Variants in ABTB3 observed in about 807,000 individuals in gnomAD.
ABTB3 encodes ankyrin repeat- and BTB/POZ domain-containing protein 3.
At chr12:107,477,391 T>C in the ABTB3 span, among the ~76,000 whole-genome samples, 1 of 152,156 alleles carries the variant, frequency 6.6e-6, no homozygotes, top group Non-Finnish European at 1.5e-5. Flanking sequence ...GCCACGTGGG[T>C]TCGCAGGCAT....
chr12:107,496,959 C>G, the ABTB3 span, among the ~76,000 whole-genome samples: 1 of 152,186 alleles, frequency 6.6e-6, no homozygotes, highest in Non-Finnish European at 1.5e-5. Flanking sequence ...TCCACTTACC[C>G]TCTAGCCCTA....
chr12:107,515,658 A>G, the ABTB3 span, among the ~76,000 whole-genome samples: 3 of 152,172 alleles, frequency 2.0e-5, no homozygotes, highest in Admixed American at 2.0e-4. Flanking sequence ...GGAAGTAAGG[A>G]TGACTCAGTG....
chr12:107,320,850 A>T, the ABTB3 span, among the ~76,000 whole-genome samples: 1 of 150,750 alleles, frequency 6.6e-6, no homozygotes, highest in Non-Finnish European at 1.5e-5. Context: ...TCTGGGCAGG[A>T]TGGAGCTGGC....
chr12:107,481,177 G>C, the ABTB3 span, among the ~76,000 whole-genome samples: 2 of 152,300 alleles, frequency 1.3e-5, no homozygotes, highest in East Asian at 3.9e-4. Flanking sequence ...CCCTGCTTTG[G>C]AGGAAAAAGA....
the ABTB3 span, among the ~76,000 whole-genome samples, chr12:107,485,409 C>A: frequency 6.6e-6 from 1 of 152,204 alleles, no homozygotes; most frequent in African/African-American, 2.4e-5. Flanking sequence ...AAGTGACAAT[C>A]ACATGGGTAC....
the ABTB3 span, among the ~76,000 whole-genome samples, chr12:107,473,207 C>T: frequency 0.011 from 1,735 of 152,210 alleles, 45 homozygotes; most frequent in African/African-American, 0.039. Context: ...TGCGTACAGC[C>T]CAGTGCCTTT....
At chr12:107,574,303 TAAACAC>T in the ABTB3 span, among the ~76,000 whole-genome samples, 1 of 152,152 alleles carries the variant, frequency 6.6e-6, no homozygotes, top group Non-Finnish European at 1.5e-5. Context: ...CTCCCCAACT[TAAACAC>T]AATAACAAAA....
the ABTB3 span, among the ~76,000 whole-genome samples, chr12:107,476,172 C>T: frequency 6.6e-6 from 1 of 152,272 alleles, no homozygotes; most frequent in Non-Finnish European, 1.5e-5. Context: ...CCCCCGGCTA[C>T]CTAGGCTGTT....
chr12:107,633,662 A>G, the ABTB3 span, among the ~76,000 whole-genome samples: 6 of 152,226 alleles, frequency 3.9e-5, no homozygotes, highest in South Asian at 1.2e-3. Flanking sequence ...AGAGGATGCT[A>G]CTGCTTGTGG....
At chr12:107,489,920 C>CCAAA in the ABTB3 span, among the ~76,000 whole-genome samples, 12 of 150,904 alleles carry the variant, frequency 8.0e-5, no homozygotes, top group South Asian at 2.1e-4. Flanking sequence ...CCATGCATGG[C>CCAAA]CAAACAAACA....
chr12:107,382,951 C>T, the ABTB3 span, among the ~76,000 whole-genome samples: 6 of 152,262 alleles, frequency 3.9e-5, no homozygotes, highest in Admixed American at 3.9e-4. Flanking sequence ...TGCCTGGACT[C>T]ACTGCAGGGT....
At chr12:107,589,477 G>T in the ABTB3 span, among the ~76,000 whole-genome samples, 2 of 152,196 alleles carry the variant, frequency 1.3e-5, no homozygotes, top group African/African-American at 4.8e-5. Context: ...TGAAATATGA[G>T]ATTTGGAAAG....
At chr12:107,550,666 C>T in the ABTB3 span, among the ~76,000 whole-genome samples, 4 of 150,776 alleles carry the variant, frequency 2.7e-5, no homozygotes, top group Admixed American at 6.6e-5. Context: ...CTGCAACCTC[C>T]GCCTTCCAGG....
the ABTB3 span, among the ~76,000 whole-genome samples, chr12:107,655,728 A>G: frequency 1.3e-4 from 20 of 152,216 alleles, no homozygotes; most frequent in Non-Finnish European, 2.8e-4. Context: ...CCACAAATGC[A>G]TGGCTTAGCC....
At chr12:107,479,121 T>C in the ABTB3 span, among the ~76,000 whole-genome samples, 2 of 152,178 alleles carry the variant, frequency 1.3e-5, no homozygotes, top group African/African-American at 4.8e-5. Flanking sequence ...GGGCTCCAGA[T>C]GTTTTTCAGT....
At chr12:107,539,902 T>A in the ABTB3 span, among the ~76,000 whole-genome samples, 1 of 152,200 alleles carries the variant, frequency 6.6e-6, no homozygotes, top group Admixed American at 6.5e-5. Flanking sequence ...ACGTTTTCCA[T>A]CTGCAGCTGC....
the ABTB3 span, among the ~76,000 whole-genome samples, chr12:107,632,544 G>A: frequency 6.2e-4 from 94 of 152,338 alleles, 1 homozygote; most frequent in African/African-American, 2.2e-3. Context: ...TGGTCCAATA[G>A]ATGTAAACTT....
chr12:107,372,205 A>G, the ABTB3 span, among the ~76,000 whole-genome samples: 1 of 152,212 alleles, frequency 6.6e-6, no homozygotes, highest in Non-Finnish European at 1.5e-5. Flanking sequence ...GAATGAATAT[A>G]TCTTCTCATT....
chr12:107,610,804 G>A, the ABTB3 span, among the ~76,000 whole-genome samples: 1 of 152,154 alleles, frequency 6.6e-6, no homozygotes, highest in South Asian at 2.1e-4. Context: ...GGGGACCCTA[G>A]GAGGCGACTC....
Sources: gnomAD v4.1 joint callset for allele counts (sites outside exome capture counted in the v4.1 genomes callset) on GRCh38, gnomAD v4.1.1 for gene constraint, MANE v1.5 for transcripts, NCBI Gene and HGNC (gene_info 2026-07-23, HGNC 2026-07-21) for gene names.